TULP3: variants seen among roughly 807,000 people sequenced by gnomAD.
The protein encoded by TULP3 is TUB like protein 3.
A neutral mutation model predicts 50.7 loss-of-function variants in TULP3; 38 were observed. The ratio of observed to expected loss-of-function variants is 0.75; its 90% CI spans 0.58 to 0.98. The LOEUF (loss-of-function observed/expected upper bound fraction) is 0.98. Among genes scored for constraint, TULP3 ranks in the 50% least tolerant of loss-of-function variants. The pLI is 0.00. For synonymous variants in TULP3, 183 were observed against 196.6 expected (o/e 0.93, Z 0.58); for missense variants, 550 against 568.0 (o/e 0.97, Z 0.32).
intron 1 of TULP3, among the ~76,000 whole-genome samples, chr12:2,902,767 A>C (rs1244400554): frequency 6.6e-6 from 1 of 152,110 alleles, no homozygotes; most frequent in Non-Finnish European, 1.5e-5. Context: ...TTTCTCTGTT[A>C]CTTATCTTTA....
At chr12:2,894,872 C>T (rs772878403) in intron 1 of TULP3, among the ~76,000 whole-genome samples, 5 of 151,556 alleles carry the variant, frequency 3.3e-5, no homozygotes, top group African/African-American at 7.3e-5. Context: ...CCAGCCTGGG[C>T]GACAAGAGCA....
intron 2 of TULP3, among the ~76,000 whole-genome samples, chr12:2,910,615 G>A (rs1227852019): frequency 6.6e-6 from 1 of 152,140 alleles, no homozygotes; most frequent in Non-Finnish European, 1.5e-5. Context: ...AGCTAGGATC[G>A]TTAACAGTCA....
At chr12:2,938,814 T>G (rs1348724590) in intron 10 of TULP3, among the ~76,000 whole-genome samples, 2 of 151,352 alleles carry the variant, frequency 1.3e-5, no homozygotes, top group African/African-American at 4.9e-5. Flanking sequence ...AGTCATAGAG[T>G]AGGTTGTTTG....
At chr12:2,934,597 C>G (rs375879391) in intron 8 of TULP3, 36 bp downstream of exon 8, 1 of 1,414,544 alleles carries the variant, frequency 7.1e-7, no homozygotes, top group African/African-American at 1.5e-5. Context: ...TGCCTGCCCT[C>G]CTGGTGTCCT....
At chr12:2,911,447 G>T (rs1482924611) in intron 2 of TULP3, among the ~76,000 whole-genome samples, 1 of 151,572 alleles carries the variant, frequency 6.6e-6, no homozygotes, top group Non-Finnish European at 1.5e-5. Context: ...CCAACTCCCG[G>T]GTTCACGCCA....
At chr12:2,929,664 C>A (rs987077767) in intron 4 of TULP3, among the ~76,000 whole-genome samples, 1 of 152,016 alleles carries the variant, frequency 6.6e-6, no homozygotes, top group Middle Eastern at 3.4e-3. Flanking sequence ...AGTCTCGGCT[C>A]GCTGCAAGCT....
In TULP3 at chr12:2,940,330, A is replaced by G. The variant is rs967058349; in HGVS notation, c.*886A>G. 1.4e-6 allele frequency: 2 copies of G among 1,462,706 alleles called. No homozygotes were observed. The highest frequency in any genetic ancestry group is 2.9e-5 in the African/African-American group (2 of 70,066). 90.6% of individuals were successfully genotyped at this position (1,462,706 alleles called of 1,614,324 possible). On this transcript the variant is annotated 3_prime_UTR_variant, in exon 11 of 11. Coordinates refer to ENST00000448120, the MANE Select transcript of TULP3 (RefSeq NM_003324.5). ...GACCATTTAGTTTAGTTAAAAAAAA[A>G]AAAAAAAAGGTGGCAGGAGAGGCTT... is the stretch of plus-strand genomic sequence containing the variant.
chr12:2,931,170 A>T lies in TULP3; in HGVS notation c.626A>T (p.Asp209Val). The change falls in exon 6 of 11, where the codon GAT (aspartate) becomes GTT (valine). Residue 209 changes from aspartate to valine, a missense_variant. By Grantham distance (152) the Asp-to-Val change is radical. Transcript: ENST00000448120. ...GVTVRCRIIRDKRGMDRGLFP... is the reference protein window; with the variant it reads ...GVTVRCRIIRVKRGMDRGLFP... The stretch of plus-strand genomic sequence containing the variant: ...ACAGTAAGATGTCGGATAATCCGGG[A>T]TAAAAGGGGAATGGATCGGGGTCTC... The T allele has an allele frequency of 6.2e-7, 1 of 1,614,204 alleles. No homozygotes were observed. The highest frequency in any genetic ancestry group is 8.5e-7 in the Non-Finnish European group (1 of 1,180,050).
intron 4 of TULP3, among the ~76,000 whole-genome samples, chr12:2,928,794 A>C (rs1224347230): frequency 6.6e-6 from 1 of 151,514 alleles, no homozygotes; most frequent in African/African-American, 2.4e-5. Context: ...AATACAAAAA[A>C]ATTAGCTGGG....
At position 2,930,982 on chromosome 12, in the gene TULP3, A is replaced by C. The variant is rs574601508; in HGVS notation, c.493-55A>C. The C allele has an allele frequency of 9.4e-6, 15 of 1,593,866 alleles. No individual in the cohort carries two copies. In the East Asian group the frequency reaches 3.4e-4, roughly 36 times the overall value. On this transcript the variant is annotated intron_variant, in intron 5 of 10. Coordinates refer to ENST00000448120, the MANE Select transcript of TULP3 (RefSeq NM_003324.5). The stretch of plus-strand genomic sequence containing the variant: ...TTTGTCCACTAAGTGTTTTTCAAAG[A>C]GAATCAGATTTTGAGTCTCGGCCTG...
chr12:2,934,745 C>T (rs2098200111), intron 8 of TULP3, among the ~76,000 whole-genome samples, 184 bp downstream of exon 8: 1 of 152,186 alleles, frequency 6.6e-6, no homozygotes, highest in African/African-American at 2.4e-5. Context: ...AATTATTTTT[C>T]ACTCTCAGAA....
chr12:2,934,159 G>A (rs1372913935), intron 7 of TULP3, among the ~76,000 whole-genome samples: 2 of 152,108 alleles, frequency 1.3e-5, no homozygotes, highest in Non-Finnish European at 2.9e-5. Context: ...AAGGTGGGAG[G>A]ATGACTTGAG....
At chr12:2,925,964 C>CT (rs1225956401) in intron 4 of TULP3, among the ~76,000 whole-genome samples, 1 of 152,158 alleles carries the variant, frequency 6.6e-6, no homozygotes, top group Non-Finnish European at 1.5e-5. Context: ...TGCATCTTGA[C>CT]TATAAAACCC....
intron 2 of TULP3, among the ~76,000 whole-genome samples, chr12:2,919,376 G>A (rs1390534331): frequency 6.6e-6 from 1 of 152,062 alleles, no homozygotes; most frequent in Non-Finnish European, 1.5e-5. Flanking sequence ...GTATTGGCAC[G>A]TTATCTTAAC....
intron 1 of TULP3, among the ~76,000 whole-genome samples, chr12:2,901,345 C>T (rs1226254404): frequency 1.5e-5 from 2 of 132,050 alleles, no homozygotes; most frequent in African/African-American, 5.8e-5. Flanking sequence ...GACAGGGCCT[C>T]CTTATATTGC....
At chr12:2,915,873 G>C (rs1434469672) in intron 2 of TULP3, among the ~76,000 whole-genome samples, 1 of 151,588 alleles carries the variant, frequency 6.6e-6, no homozygotes, top group African/African-American at 2.4e-5. Flanking sequence ...ATAGACTGCA[G>C]ACAACTAGCC....
In TULP3 at chr12:2,940,874, G is replaced by A. The variant is rs1174543875; in HGVS notation, c.*1430G>A. The A allele has an allele frequency of 2.9e-5, 20 of 700,864 alleles. No homozygotes were observed. Among genetic ancestry groups the A allele is most frequent in the Middle Eastern group, 2.7e-4 (1 of 3,764 alleles). The allele number at this position is 700,864 out of a possible 1,614,324, so 43.4% of individuals were successfully genotyped here. On this transcript the variant is annotated 3_prime_UTR_variant, in exon 11 of 11. Coordinates refer to ENST00000448120, the MANE Select transcript of TULP3 (RefSeq NM_003324.5). ...GCCATGCCCAGAAGCCTCACACCTCGTCACCACCACCACCCCCCACCCCAT... is the reference window on the plus strand; with the variant it reads ...GCCATGCCCAGAAGCCTCACACCTCATCACCACCACCACCCCCCACCCCAT...
At chr12:2,914,488 TCTAA>T (rs2098187493) in intron 2 of TULP3, among the ~76,000 whole-genome samples, 1 of 152,230 alleles carries the variant, frequency 6.6e-6, no homozygotes, top group African/African-American at 2.4e-5. Context: ...ATTTCTTCTG[TCTAA>T]CTGTATGTTT....
chr12:2,906,925 GTAAA>G (rs1316754586), intron 1 of TULP3, among the ~76,000 whole-genome samples: 1 of 151,670 alleles, frequency 6.6e-6, no homozygotes, highest in East Asian at 2.0e-4. Context: ...CTCAAAATAA[GTAAA>G]TAAATAAATA....
Sources: gnomAD v4.1 joint callset for allele counts (sites outside exome capture counted in the v4.1 genomes callset) on GRCh38, gnomAD v4.1.1 for gene constraint, MANE v1.5 for transcripts, NCBI Gene and HGNC (gene_info 2026-07-23, HGNC 2026-07-21) for gene names.